Variants in CEP57 observed in about 807,000 individuals in gnomAD.
CEP57 encodes the protein centrosomal protein of 57 kDa.
CEP57 carries 40 observed loss-of-function variants against 68.0 expected under a neutral mutation model. That is an observed-to-expected ratio of 0.59 (90% CI 0.46 to 0.77). The LOEUF (loss-of-function observed/expected upper bound fraction) is 0.77. Among genes scored for constraint, CEP57 ranks in the 30% least tolerant of loss-of-function variants. The pLI, the probability that CEP57 is intolerant of heterozygous loss-of-function variation, is 0.00. For missense variants in CEP57, 606 were observed against 580.7 expected (o/e 1.04, Z -0.45); for synonymous variants, 219 against 198.7 (o/e 1.10, Z -0.86).
intron 6 of CEP57, among the ~76,000 whole-genome samples, chr11:95,819,176 A>G (rs1862423753): frequency 6.6e-6 from 1 of 152,212 alleles, no homozygotes; most frequent in African/African-American, 2.4e-5. Flanking sequence ...CTACACACAT[A>G]AGAAGGTATG....
rs116984540 is a variant in CEP57, at chr11:95,791,624, G to T, written c.45+881G>T. On this transcript the variant is annotated intron_variant, in intron 1 of 10. Coordinates refer to ENST00000325542, the MANE Select transcript of CEP57 (RefSeq NM_014679.5). Reference sequence around the variant, plus strand: ...ACTACACGTAATTAGTGATTACTGCGCAGTATAGTTTAGGAAGTGCTACCG... The same window carrying T: ...ACTACACGTAATTAGTGATTACTGCTCAGTATAGTTTAGGAAGTGCTACCG... 2.7e-3 allele frequency among the ~76,000 whole-genome samples: 416 copies of T among 152,308 alleles called. 3 individuals carry two copies. Among genetic ancestry groups the T allele is most frequent in the Non-Finnish European group, 5.1e-3 (350 of 68,018 alleles).
intron 4 of CEP57, among the ~76,000 whole-genome samples, chr11:95,817,446 T>A (rs180840661): frequency 6.6e-6 from 1 of 152,268 alleles, no homozygotes; most frequent in East Asian, 1.9e-4. Context: ...ACCATAATTT[T>A]TACCCTAATT....
intron 2 of CEP57, among the ~76,000 whole-genome samples, chr11:95,811,580 TAA>T (rs57349391): frequency 2.3e-5 from 3 of 132,734 alleles, no homozygotes; most frequent in Admixed American, 7.6e-5. Context: ...AAAGTATAAT[TAA>T]AAAAAAAAAA....
At chr11:95,826,817 T>G (rs1862765260) in intron 8 of CEP57, 1 of 152,234 alleles carries the variant, frequency 6.6e-6, no homozygotes, top group Non-Finnish European at 1.5e-5. Context: ...CATCGATTGA[T>G]TTTTGAATAG....
intron 8 of CEP57, among the ~76,000 whole-genome samples, chr11:95,824,250 A>AAT (rs1862643139): frequency 6.6e-6 from 1 of 151,770 alleles, no homozygotes; most frequent in African/African-American, 2.4e-5. Flanking sequence ...TCTTTAAAAA[A>AAT]TTTTTTTTAA....
chr11:95,809,011 C>T (rs1861934175), intron 2 of CEP57, among the ~76,000 whole-genome samples: 1 of 152,130 alleles, frequency 6.6e-6, no homozygotes, highest in African/African-American at 2.4e-5. Context: ...TCTCTCAGAC[C>T]ACAGTGCAAT....
At chr11:95,817,939 C>A in intron 5 of CEP57, 36 bp downstream of exon 5, 2 of 1,302,764 alleles carry the variant, frequency 1.5e-6, no homozygotes, top group Non-Finnish European at 2.2e-6. Context: ...TAACATATAT[C>A]AGGGTGGTTT....
At chr11:95,829,747 A>G (rs1403685146) in intron 10 of CEP57, among the ~76,000 whole-genome samples, 1 of 152,210 alleles carries the variant, frequency 6.6e-6, no homozygotes, top group Admixed American at 6.5e-5. Flanking sequence ...TACCAGATGC[A>G]GTGGTGACAT....
At chr11:95,829,424 A>C in intron 10 of CEP57, 93 bp downstream of exon 10, 1 of 1,261,336 alleles carries the variant, frequency 7.9e-7, no homozygotes, top group Non-Finnish European at 1.2e-6. Context: ...AGTGTATCAT[A>C]GATAAATATC....
At chr11:95,808,776 T>C (rs1272892293) in intron 2 of CEP57, among the ~76,000 whole-genome samples, 4 of 152,158 alleles carry the variant, frequency 2.6e-5, no homozygotes, top group Non-Finnish European at 5.9e-5. Flanking sequence ...CACCCCACTG[T>C]CAACATTAGA....
chr11:95,830,460 TA>T (rs1343118585), intron 10 of CEP57, among the ~76,000 whole-genome samples: 6 of 152,192 alleles, frequency 3.9e-5, no homozygotes, highest in African/African-American at 1.4e-4. Context: ...TCAGTTTGGC[TA>T]AAGTAAAAAT....
intron 2 of CEP57, among the ~76,000 whole-genome samples, chr11:95,802,990 A>T (rs1483949900): frequency 6.6e-6 from 1 of 152,226 alleles, no homozygotes; most frequent in Non-Finnish European, 1.5e-5. Context: ...GGCCAAAGAC[A>T]GTCTTCACGC....
upstream of CEP57, chr11:95,790,491 T>C: frequency 3.3e-6 from 2 of 608,582 alleles, no homozygotes; most frequent in South Asian, 2.0e-5. Context: ...CGTTAGGACG[T>C]GTTGCCCTTT....
intron 2 of CEP57, among the ~76,000 whole-genome samples, chr11:95,804,467 G>A (rs1314583534): frequency 1.3e-5 from 2 of 152,192 alleles, no homozygotes; most frequent in Non-Finnish European, 2.9e-5. Context: ...AATTTTAAAT[G>A]TGGGTAGCGA....
chr11:95,797,110 C>T (rs958290187), intron 1 of CEP57, among the ~76,000 whole-genome samples: 8 of 151,886 alleles, frequency 5.3e-5, no homozygotes, highest in Non-Finnish European at 4.4e-5. Flanking sequence ...CCTTACCTCC[C>T]CTAAGGTCAG....
At chr11:95,803,086 C>G (rs557719682) in intron 2 of CEP57, among the ~76,000 whole-genome samples, 1 of 152,114 alleles carries the variant, frequency 6.6e-6, no homozygotes, top group South Asian at 2.1e-4. Context: ...ACTGAAGCAA[C>G]AAGACAGAAC....
At position 95,821,949 on chromosome 11, in the gene CEP57, A is replaced by G. The variant is rs773014425; in HGVS notation, c.778A>G (p.Lys260Glu). ...TPCVPNARRI[K>E]KKKSKPPEKK... ...GTGTGTTCCCAATGCAAGAAGAATTAAAAAAAAGAAGTCAAAACCACCAGA... is the reference window on the plus strand; with the variant it reads ...GTGTGTTCCCAATGCAAGAAGAATTGAAAAAAAGAAGTCAAAACCACCAGA... The change falls in exon 7 of 11, where the codon AAA becomes GAA. Residue 260 changes from lysine to glutamate, a missense_variant. Lys to Glu is a moderately conservative substitution (Grantham distance 56). Coordinates refer to ENST00000325542, the MANE Select transcript of CEP57 (RefSeq NM_014679.5). 8 of 1,608,156 alleles carry G rather than the reference A, an allele frequency of 5.0e-6. No homozygotes were observed. In the South Asian group the frequency reaches 7.7e-5, roughly 15 times the overall value.
At position 95,829,312 on chromosome 11, in the gene CEP57, T is replaced by G; in HGVS notation, c.1253T>G (p.Val418Gly). ...GCAAAAGCCAACCAAATAACTAAAG[T>G]TCGAAAATACCAAGCCCAGGTAACT... is the stretch of plus-strand genomic sequence containing the variant. ...MEAKANQITK[V>G]RKYQAQLEKQ... is the part of the protein sequence containing the mutation. The change falls in exon 10 of 11, where the codon GTT becomes GGT. Residue 418 changes from valine (V) to glycine (G), a missense_variant. Physicochemically the swap from Val to Gly is moderately radical, Grantham distance 109. Transcript: ENST00000325542. 2 of 1,613,922 alleles carry G rather than the reference T, an allele frequency of 1.2e-6. No homozygotes were observed. The highest frequency in any genetic ancestry group is 1.1e-5 in the South Asian group (1 of 91,070).
Position 95,831,204 on chromosome 11 carries a change from T to C in CEP57, c.1451T>C (p.Met484Thr). 1.2e-6 allele frequency: 2 copies of C among 1,613,612 alleles called. No individual in the cohort carries two copies. Among genetic ancestry groups the C allele is most frequent in the Non-Finnish European group, 1.7e-6 (2 of 1,179,662 alleles). The change falls in exon 11 of 11, where the codon ATG becomes ACG. Residue 484 changes from methionine to threonine, a missense_variant. Met to Thr is a moderately conservative substitution (Grantham distance 81). Coordinates refer to ENST00000325542, the MANE Select transcript of CEP57 (RefSeq NM_014679.5). ...RRKNLQLLKD[M>T]QSIQNSLQSS... is the part of the protein sequence containing the mutation. Reference sequence around the variant, plus strand: ...AAAAATCTTCAGTTATTGAAGGACATGCAAAGCATACAGAATTCATTACAA... The same window carrying C: ...AAAAATCTTCAGTTATTGAAGGACACGCAAAGCATACAGAATTCATTACAA...
Sources: gnomAD v4.1 joint callset for allele counts (sites outside exome capture counted in the v4.1 genomes callset) on GRCh38, gnomAD v4.1.1 for gene constraint, MANE v1.5 for transcripts, NCBI Gene and HGNC (gene_info 2026-07-23, HGNC 2026-07-21) for gene names.